Variants in MAP7D2 observed in about 807,000 individuals in gnomAD.
MAP7D2 encodes the protein MAP7 domain-containing protein 2.
A neutral mutation model predicts 63.5 loss-of-function variants in MAP7D2; 33 were observed. That is an observed-to-expected ratio of 0.52 (90% CI 0.39 to 0.70). The LOEUF is 0.70. MAP7D2 is among the 30% of genes least tolerant of loss of function. The pLI is 0.00. For synonymous variants in MAP7D2, 224 were observed against 223.7 expected, an observed-to-expected ratio of 1.00 and a Z score of -0.01; for missense variants, 626 against 604.0, an observed-to-expected ratio of 1.04 and a Z score of -0.38.
At chrX:20,065,362 G>T (rs1488932624) in intron 1 of MAP7D2, among the ~76,000 whole-genome samples, 1 of 108,277 alleles carries the variant, frequency 9.2e-6, no homozygotes, top group Non-Finnish European at 1.9e-5. Context: ...TGCCTCCCAG[G>T]TTCAAGCGAT....
intron 1 of MAP7D2, among the ~76,000 whole-genome samples, chrX:20,091,941 A>G (rs2066081227): frequency 8.9e-6 from 1 of 112,322 alleles, no homozygotes; most frequent in South Asian, 3.7e-4. Context: ...TTTTTAAATT[A>G]TCCACAAGAA....
chrX:20,012,053 T>C (rs746100384), intron 15 of MAP7D2, among the ~76,000 whole-genome samples: 1 of 111,562 alleles, frequency 9.0e-6, no homozygotes, highest in Non-Finnish European at 1.9e-5. Flanking sequence ...AGAGCTCCCA[T>C]GGGGTCAGCT....
intron 1 of MAP7D2, among the ~76,000 whole-genome samples, chrX:20,102,620 G>A: frequency 9.0e-6 from 1 of 110,916 alleles, no homozygotes. Flanking sequence ...TCCATGACAG[G>A]GACGGTGACC....
chrX:20,031,291 A>AAAAATAAAATAAAAT lies in MAP7D2; in HGVS notation c.1008-5354_1008-5340dup, dbSNP rs55901756. Among the ~76,000 whole-genome samples, 11 of 85,311 alleles carry AAAAATAAAATAAAAT rather than the reference A, an allele frequency of 1.3e-4. No homozygotes were observed. The East Asian group carries it at 3.6e-3, about 28-fold the overall frequency. The allele number at this position is 85,311 out of a possible 115,157, so 74.1% of individuals were successfully genotyped here. Reference sequence around the variant, plus strand: ...AGTGACAGAGGGAGTCACCATCTCGAAAAATAAAATAAAATAAAATAAAAT... The same window carrying AAAAATAAAATAAAAT: ...AGTGACAGAGGGAGTCACCATCTCGAAAAATAAAATAAAATAAAATAAAATAAAATAAAATAAAAT... On this transcript the variant is annotated intron_variant, in intron 8 of 16. Transcript: ENST00000379643.
chrX:20,084,029 T>A (rs2065840743), intron 1 of MAP7D2, among the ~76,000 whole-genome samples: 1 of 110,675 alleles, frequency 9.0e-6, no homozygotes, highest in Non-Finnish European at 1.9e-5. Context: ...GGTGAAACTC[T>A]GTCTCTACCA....
intron 1 of MAP7D2, among the ~76,000 whole-genome samples, chrX:20,068,441 GCTT>G (rs1250519609): frequency 1.8e-5 from 2 of 112,155 alleles, no homozygotes; most frequent in African/African-American, 6.5e-5. Context: ...CACAGCATCT[GCTT>G]CTTCTGCTTA....
At chrX:20,064,904 C>A in intron 1 of MAP7D2, 99 bp from the exon 2 acceptor site, 1 of 645,087 alleles carries the variant, frequency 1.6e-6, no homozygotes, top group Middle Eastern at 3.1e-4. Context: ...TCTGACTGCA[C>A]GTGCACATCA....
intron 1 of MAP7D2, among the ~76,000 whole-genome samples, chrX:20,102,256 A>G (rs1225452040): frequency 1.8e-5 from 2 of 112,094 alleles, no homozygotes; most frequent in Admixed American, 9.5e-5. Context: ...TGGAAAATGA[A>G]TAAGAAGGGA....
chrX:20,073,048 C>G (rs957780078), intron 1 of MAP7D2, among the ~76,000 whole-genome samples: 1 of 110,652 alleles, frequency 9.0e-6, no homozygotes, highest in Non-Finnish European at 1.9e-5. Flanking sequence ...AGTGCTCCCC[C>G]CCACCCCAAA....
intron 1 of MAP7D2, among the ~76,000 whole-genome samples, chrX:20,106,926 G>A (rs1268453881): frequency 1.8e-5 from 2 of 108,529 alleles, no homozygotes; most frequent in African/African-American, 3.4e-5. Context: ...GGGCTGCAGT[G>A]AGCTGTGATG....
chrX:20,017,069 T>TTCC (rs1458026616), intron 10 of MAP7D2: 4 of 113,709 alleles, frequency 3.5e-5, no homozygotes, highest in Non-Finnish European at 7.5e-5. Context: ...CTTTCTAATG[T>TTCC]TCCTCCTCCT....
At chrX:20,098,880 A>G (rs2066348225) in intron 1 of MAP7D2, among the ~76,000 whole-genome samples, 1 of 112,596 alleles carries the variant, frequency 8.9e-6, no homozygotes, top group Non-Finnish European at 1.9e-5. Context: ...CTAAGAAGTC[A>G]GCAGCACTCC....
chrX:20,077,190 C>A (rs994155222), intron 1 of MAP7D2, among the ~76,000 whole-genome samples: 34 of 112,091 alleles, frequency 3.0e-4, no homozygotes, highest in Non-Finnish European at 6.0e-4. Context: ...CACAGTGACT[C>A]ACGCCTGTAA....
At chrX:20,009,356 T>C (rs1417495868) in intron 16 of MAP7D2, among the ~76,000 whole-genome samples, 1 of 111,988 alleles carries the variant, frequency 8.9e-6, no homozygotes, top group Non-Finnish European at 1.9e-5. Context: ...GCCGAGAATA[T>C]AAAAATGCTT....
At position 20,094,500 on chromosome X, in the gene MAP7D2, A is replaced by G. The variant is rs1373770899; in HGVS notation, c.130+22250T>C. ...AAAAAATACATACATATATATATAT[A>G]TATATATATATATATGTATATATAT... On this transcript the variant is annotated intron_variant, in intron 1 of 16. Coordinates refer to ENST00000379643, the MANE Select transcript of MAP7D2 (RefSeq NM_001168465.2). Among the ~76,000 whole-genome samples the G allele has an allele frequency of 3.0e-3, 60 of 19,837 alleles. 3 individuals are homozygous for G. The highest frequency in any genetic ancestry group is 4.8e-3 in the Non-Finnish European group (55 of 11,438). The allele number at this position is 19,837 out of a possible 115,157, so 17.2% of individuals were successfully genotyped here.
intron 1 of MAP7D2, among the ~76,000 whole-genome samples, chrX:20,089,257 C>G (rs1264130786): frequency 8.9e-6 from 1 of 111,786 alleles, no homozygotes; most frequent in African/African-American, 3.3e-5. Context: ...ATCTTGATAC[C>G]TTTGTCAAAT....
At chrX:20,046,087 T>C (rs1169472776) in intron 6 of MAP7D2, among the ~76,000 whole-genome samples, 1 of 112,338 alleles carries the variant, frequency 8.9e-6, no homozygotes, top group Non-Finnish European at 1.9e-5. Context: ...TTTTCTGCTA[T>C]GACTTTTGTC....
intron 5 of MAP7D2, chrX:20,052,272 A>T: frequency 6.8e-6 from 1 of 146,437 alleles, no homozygotes; most frequent in South Asian, 1.7e-4. Context: ...CTTTGTGAGA[A>T]TGCAGACCCT....
intron 8 of MAP7D2, among the ~76,000 whole-genome samples, chrX:20,031,056 T>C (rs1173722939): frequency 1.8e-5 from 2 of 111,331 alleles, no homozygotes; most frequent in Non-Finnish European, 3.8e-5. Context: ...TTTGGGAGGC[T>C]GAGGCGGGTG....
Sources: gnomAD v4.1 joint callset for allele counts (sites outside exome capture counted in the v4.1 genomes callset) on GRCh38, gnomAD v4.1.1 for gene constraint, MANE v1.5 for transcripts, NCBI Gene and HGNC (gene_info 2026-07-23, HGNC 2026-07-21) for gene names.